Variants in FAM227A observed in about 807,000 individuals in gnomAD.
The protein encoded by FAM227A is family with sequence similarity 227 member A.
In FAM227A, 80 loss-of-function variants were observed where a neutral mutation model predicts 74.7. The ratio of observed to expected loss-of-function variants is 1.07; its 90% CI spans 0.89 to 1.29. The LOEUF is 1.29. Ranked by LOEUF, FAM227A falls within the 50% of genes most tolerant of loss-of-function variation. The pLI is 0.00. For synonymous variants in FAM227A, 237 were observed against 241.8 expected (o/e 0.98, Z 0.19); for missense variants, 654 against 683.4 (o/e 0.96, Z 0.48).
At chr22:38,623,337 C>G in intron 9 of FAM227A, 58 bp from the exon 10 acceptor site, 1 of 1,235,446 alleles carries the variant, frequency 8.1e-7, no homozygotes, top group Non-Finnish European at 1.2e-6. Flanking sequence ...CGCCTGTAAT[C>G]CCAGAACTTT....
At chr22:38,649,905 T>G in intron 2 of FAM227A, 122 bp downstream of exon 2, 2 of 820,422 alleles carry the variant, frequency 2.4e-6, no homozygotes, top group Non-Finnish European at 3.7e-6. Context: ...AAAAAATGAA[T>G]GTATAAGGGA....
At chr22:38,619,549 C>A (rs921747056) in intron 11 of FAM227A, among the ~76,000 whole-genome samples, 14 of 152,174 alleles carry the variant, frequency 9.2e-5, no homozygotes, top group Admixed American at 6.5e-5. Context: ...GTCTTGGACT[C>A]CTGGTCTCAA....
chr22:38,599,700 G>C, intron 14 of FAM227A, 64 bp downstream of exon 14: 2 of 1,450,062 alleles, frequency 1.4e-6, no homozygotes, highest in South Asian at 1.4e-5. Flanking sequence ...CCTGACCTTT[G>C]CTTCTGGGAA....
At chr22:38,587,755 G>T (rs2090840556) in intron 16 of FAM227A, among the ~76,000 whole-genome samples, 1 of 152,116 alleles carries the variant, frequency 6.6e-6, no homozygotes, top group South Asian at 2.1e-4. Context: ...ACTGATACCA[G>T]AACTAGACAA....
chr22:38,656,351 G>C lies in FAM227A; in HGVS notation c.-326C>G, dbSNP rs2092392636. 6.6e-6 allele frequency: 1 copy of C among 152,254 alleles called. No homozygotes were observed. The highest frequency in any genetic ancestry group is 1.5e-5 in the Non-Finnish European group (1 of 68,068). The allele number at this position is 152,254 out of a possible 1,614,324, so 9.4% of individuals were successfully genotyped here. On this transcript the variant is annotated 5_prime_UTR_variant, in exon 1 of 17. Transcript: ENST00000535113. ...ACGCCGGCGCGGTCTCCACTTTCCC[G>C]TTTAGCATAACAATGGAACCTTCGT... is the stretch of plus-strand genomic sequence containing the variant.
intron 2 of FAM227A, among the ~76,000 whole-genome samples, chr22:38,646,602 C>A (rs544476630): frequency 3.9e-5 from 6 of 151,974 alleles, no homozygotes; most frequent in African/African-American, 4.8e-5. Context: ...TATTTACAAT[C>A]TGAGTGTACG....
chr22:38,642,102 C>G (rs893717348), intron 3 of FAM227A, among the ~76,000 whole-genome samples: 1 of 152,156 alleles, frequency 6.6e-6, no homozygotes, highest in African/African-American at 2.4e-5. Flanking sequence ...TCATAAGTCA[C>G]CATTCTGTCC....
rs1041940874 is a variant in FAM227A, at chr22:38,628,290, G to A, written c.674C>T (p.Ala225Val). The change falls in exon 8 of 17, where the codon GCC becomes GTC. Residue 225 changes from alanine to valine, a missense_variant. By Grantham distance (64) the Ala-to-Val change is moderately conservative. Transcript: ENST00000535113. ...CTTGGGTACACGAAACAAAAGTAAG[G>A]CATAGTGCTGGGCTATCCGGTCAAA... is the stretch of plus-strand genomic sequence containing the variant. ...NLFDRIAQHY[A>V]LLLFRVPKSH... 1.3e-6 allele frequency: 2 copies of A among 1,551,430 alleles called. No individual in the cohort carries two copies. The highest frequency in any genetic ancestry group is 2.7e-5 in the African/African-American group (2 of 73,024).
chr22:38,619,802 G>A (rs912024065), intron 11 of FAM227A, among the ~76,000 whole-genome samples: 1 of 152,158 alleles, frequency 6.6e-6, no homozygotes, highest in Non-Finnish European at 1.5e-5. Flanking sequence ...GAGTGGAAAA[G>A]TGAGAAACAG....
intron 15 of FAM227A, among the ~76,000 whole-genome samples, chr22:38,592,092 G>A (rs778967243): frequency 1.3e-5 from 2 of 151,926 alleles, no homozygotes; most frequent in African/African-American, 2.4e-5. Flanking sequence ...GGGATTACAG[G>A]TGCATGCCAC....
chr22:38,598,692 C>A (rs980930560), intron 14 of FAM227A, among the ~76,000 whole-genome samples: 6 of 152,154 alleles, frequency 3.9e-5, no homozygotes, highest in African/African-American at 1.4e-4. Context: ...CAGGCACTAG[C>A]CTTTATCTCT....
At chr22:38,597,826 G>A (rs560574617) in intron 14 of FAM227A, among the ~76,000 whole-genome samples, 1 of 152,128 alleles carries the variant, frequency 6.6e-6, no homozygotes, top group South Asian at 2.1e-4. Context: ...GGCGGATCAC[G>A]AGGTTAGGAG....
Position 38,582,175 on chromosome 22 carries a change from C to T in FAM227A, c.*3950G>A. 3 of 627,540 alleles carry T rather than the reference C, an allele frequency of 4.8e-6. No homozygotes were observed. Among genetic ancestry groups the T allele is most frequent in the Non-Finnish European group, 8.3e-6 (3 of 361,966 alleles). The allele number at this position is 627,540 out of a possible 1,614,324, so 38.9% of individuals were successfully genotyped here. ...TCAAGATAGTAGACATATCTGTCAC[C>T]CCCAAAAGTTTATTTGGGCCTCTTT... On this transcript the variant is annotated 3_prime_UTR_variant, in exon 17 of 17. Coordinates refer to ENST00000535113, the MANE Select transcript of FAM227A (RefSeq NM_001013647.2).
intron 3 of FAM227A, 148 bp from the exon 4 acceptor site, chr22:38,639,872 G>C: frequency 1.5e-6 from 1 of 655,370 alleles, no homozygotes; most frequent in South Asian, 1.8e-5. Context: ...CAGGTGGTAG[G>C]TCCTGGTGGC....
chr22:38,626,891 A>AAAAAAAAAAATAT (rs1555966996), intron 8 of FAM227A, among the ~76,000 whole-genome samples: 1 of 57,688 alleles, frequency 1.7e-5, no homozygotes, highest in African/African-American at 8.7e-5. Context: ...AAAAAAAAAA[A>AAAAAAAAAAATAT]ATATATATAT....
intron 2 of FAM227A, among the ~76,000 whole-genome samples, chr22:38,648,844 G>A (rs1167214940): frequency 6.6e-6 from 1 of 151,270 alleles, no homozygotes; most frequent in African/African-American, 2.4e-5. Flanking sequence ...GTGGTGGTGG[G>A]TGCCTGTAAT....
chr22:38,633,820 G>A (rs867654900), intron 6 of FAM227A, among the ~76,000 whole-genome samples: 4 of 152,256 alleles, frequency 2.6e-5, no homozygotes, highest in Middle Eastern at 6.8e-3. Flanking sequence ...GATTACAGGC[G>A]TAAGCCACTG....
At position 38,599,883 on chromosome 22, in the gene FAM227A, G is replaced by A. The variant is rs1032087731; in HGVS notation, c.1260C>T (p.Asn420=). 1.9e-6 allele frequency: 3 copies of A among 1,551,302 alleles called. No individual in the cohort carries two copies. Among genetic ancestry groups the A allele is most frequent in the Non-Finnish European group, 2.6e-6 (3 of 1,146,840 alleles). The change falls in exon 14 of 17, where the codon AAC becomes AAT. Residue 420 remains asparagine (N), a synonymous_variant. Coordinates refer to ENST00000535113, the MANE Select transcript of FAM227A (RefSeq NM_001013647.2). The part of the protein sequence containing the change: ...AACKSPELTS[N]LFNIYGKSPL... ...GGCTCTTCCCATAAATGTTGAAGAGGTTTGAAGTCAGCTCAGGGCTTTTGC... is the reference window on the plus strand; with the variant it reads ...GGCTCTTCCCATAAATGTTGAAGAGATTTGAAGTCAGCTCAGGGCTTTTGC...
chr22:38,632,673 G>A lies in FAM227A; in HGVS notation c.520-3738C>T, dbSNP rs185815553. On this transcript the variant is annotated intron_variant, in intron 6 of 16. Coordinates refer to ENST00000535113, the MANE Select transcript of FAM227A (RefSeq NM_001013647.2). Reference sequence around the variant, plus strand: ...GAGAGTAGAAGGGAGGGGTCCCAAAGAACATGGGTGATAAAGGGGCCTGGG... The same window carrying A: ...GAGAGTAGAAGGGAGGGGTCCCAAAAAACATGGGTGATAAAGGGGCCTGGG... Among the ~76,000 whole-genome samples, 902 of 152,300 alleles carry A rather than the reference G, an allele frequency of 5.9e-3. 3 individuals are homozygous for A. Among genetic ancestry groups the A allele is most frequent in the Middle Eastern group, 0.017 (5 of 294 alleles).
Sources: allele counts gnomAD v4.1 joint callset (sites outside exome capture counted in the v4.1 genomes callset), GRCh38; gene constraint gnomAD v4.1.1; transcripts MANE v1.5; gene names NCBI Gene and HGNC (gene_info 2026-07-23, HGNC 2026-07-21).